USP24: variants seen among roughly 807,000 people sequenced by gnomAD.
The protein encoded by USP24 is ubiquitin specific peptidase 24.
Under a neutral mutation model 361.6 loss-of-function variants are expected in USP24, and 97 were observed. The ratio of observed to expected loss-of-function variants is 0.27; its 90% confidence interval spans 0.23 to 0.32. The LOEUF is 0.32. Among genes scored for constraint, USP24 ranks in the 10% least tolerant of loss-of-function variants. The pLI is 1.00. For missense variants in USP24, 2,353 were observed against 3,165.6 expected, an observed-to-expected ratio of 0.74 and a Z score of 6.16; for synonymous variants, 1,098 against 1,124.6, an observed-to-expected ratio of 0.98 and a Z score of 0.47.
At chr1:55,184,544 A>C (rs1422024194) in intron 1 of USP24, among the ~76,000 whole-genome samples, 1 of 152,218 alleles carries the variant, frequency 6.6e-6, no homozygotes, top group East Asian at 1.9e-4. Context: ...AAGATCAACA[A>C]GAAAATAGAA....
intron 44 of USP24, among the ~76,000 whole-genome samples, chr1:55,100,524 T>C (rs963510181): frequency 6.6e-6 from 1 of 152,080 alleles, no homozygotes; most frequent in Non-Finnish European, 1.5e-5. Flanking sequence ...GTTCTTTATT[T>C]AAAGACATTA....
chr1:55,072,024 C>A, intron 66 of USP24, 100 bp from the exon 67 acceptor site: 1 of 1,089,020 alleles, frequency 9.2e-7, no homozygotes, highest in Non-Finnish European at 1.4e-6. Flanking sequence ...TCAGTGGGAC[C>A]GGAGGCCTGA....
chr1:55,188,648 A>T (rs976416145), intron 1 of USP24, among the ~76,000 whole-genome samples: 3 of 151,950 alleles, frequency 2.0e-5, no homozygotes, highest in African/African-American at 7.2e-5. Context: ...ACCTACTAGG[A>T]TGGCCAAAAT....
chr1:55,154,703 G>T lies in USP24; in HGVS notation c.1522C>A (p.Gln508Lys), dbSNP rs1647442257. Reference sequence around the variant, plus strand: ...ATGAGAACAAACAAATGATTAAGCTGATCTGAATTAAATTTCACAGCCGCT... The same window carrying T: ...ATGAGAACAAACAAATGATTAAGCTTATCTGAATTAAATTTCACAGCCGCT... ...AAAAVKFNSD[Q>K]LNHLFVLIQK... The change falls in exon 13 of 68, where the codon CAG becomes AAG. Residue 508 changes from glutamine to lysine, a missense_variant. Physicochemically the swap from Gln to Lys is moderately conservative, Grantham distance 53 (BLOSUM62 1). Around this residue, in one of 8 missense-constraint regions of USP24, gnomAD observed 386 missense variants for 560.5 expected, o/e 0.69. Transcript: ENST00000294383. The T allele has an allele frequency of 1.9e-6, 3 of 1,613,244 alleles. No homozygotes were observed. The highest frequency in any genetic ancestry group is 2.5e-6 in the Non-Finnish European group (3 of 1,179,558).
intron 22 of USP24, 87 bp from the exon 23 acceptor site, chr1:55,142,882 A>T (rs776331875): frequency 4.8e-5 from 68 of 1,423,272 alleles, no homozygotes; most frequent in Non-Finnish European, 6.1e-5. Context: ...AAAGAAGCCA[A>T]TTTTTGGTCA....
rs955698419 is a variant in USP24, at chr1:55,071,799, T to C, written c.7800+15A>G. ...AGGCTGCCCTTTGCACACAAGGACA[T>C]GCTGACCGTTATACCTGCTGTAGAT... On this transcript the variant is annotated intron_variant, in intron 67 of 67. Transcript: ENST00000294383. 6.2e-7 allele frequency: 1 copy of C among 1,605,628 alleles called. No homozygotes were observed. Among genetic ancestry groups the C allele is most frequent in the Non-Finnish European group, 8.5e-7 (1 of 1,175,250 alleles).
chr1:55,136,203 G>A (rs968640752), intron 28 of USP24, among the ~76,000 whole-genome samples: 1 of 152,190 alleles, frequency 6.6e-6, no homozygotes, highest in Non-Finnish European at 1.5e-5. Context: ...GCTGAAGAAA[G>A]TGAGAGTGAG....
chr1:55,133,998 T>C (rs1646665867), intron 30 of USP24, 72 bp downstream of exon 30: 1 of 1,298,516 alleles, frequency 7.7e-7, no homozygotes, highest in Non-Finnish European at 1.1e-6. Context: ...GACCTTGATG[T>C]GATTTCAGGT....
At chr1:55,120,221 G>A (rs1225319530) in intron 38 of USP24, among the ~76,000 whole-genome samples, 1 of 152,148 alleles carries the variant, frequency 6.6e-6, no homozygotes, top group Admixed American at 6.5e-5. Flanking sequence ...GGATACCTTG[G>A]CTACCTCTAG....
rs1185490751 is a variant in USP24, at chr1:55,214,908, C to T, written c.206G>A (p.Gly69Asp). 5.4e-6 allele frequency: 7 copies of T among 1,288,336 alleles called. No individual in the cohort carries two copies. Among genetic ancestry groups the T allele is most frequent in the Admixed American group, 3.4e-5 (1 of 29,664 alleles). 79.8% of individuals were successfully genotyped at this position (1,288,336 alleles called of 1,614,324 possible). Residue 69 changes from glycine (G) to aspartate (D), a missense_variant, in exon 1 of 68, where the codon GGC (glycine) becomes GAC (aspartate). Transcript: ENST00000294383. ...GGGPSPGPGG[G>D]PRGDGGGDGG... Reference sequence around the variant, plus strand: ...GTCACCTCCGCCGTCGCCCCGCGGGCCCCCGCCGGGCCCGGGGCTGGGGCC... The same window carrying T: ...GTCACCTCCGCCGTCGCCCCGCGGGTCCCCGCCGGGCCCGGGGCTGGGGCC...
chr1:55,170,859 TATTAA>T (rs1649375350), intron 5 of USP24, among the ~76,000 whole-genome samples: 2 of 152,376 alleles, frequency 1.3e-5, no homozygotes, highest in African/African-American at 2.4e-5. Flanking sequence ...TTACTGTTTA[TATTAA>T]AAGACAGGAC....
At chr1:55,125,925 A>G (rs185732222) in intron 32 of USP24, among the ~76,000 whole-genome samples, 167 bp from the exon 33 acceptor site, 2 of 152,318 alleles carry the variant, frequency 1.3e-5, no homozygotes, top group Non-Finnish European at 2.9e-5. Context: ...TATGATACCT[A>G]TAAGCTTCCT....
Position 55,092,059 on chromosome 1 carries a change from A to G in USP24, c.6518T>C (p.Leu2173Pro). ...KVSLQLAIQFLFQTYLRTKKK... is the reference protein window; with the variant it reads ...KVSLQLAIQFPFQTYLRTKKK... Reference sequence around the variant, plus strand: ...CTTTGTCCGTAGATAAGTTTGAAAAAGGAATTGAATAGCAAGCTGTAAGCT... The same window carrying G: ...CTTTGTCCGTAGATAAGTTTGAAAAGGGAATTGAATAGCAAGCTGTAAGCT... Residue 2173 changes from leucine (L) to proline (P), a missense_variant, in exon 54 of 68, where the codon CTT (leucine) becomes CCT (proline). Physicochemically the swap from Leu to Pro is moderately conservative, Grantham distance 98. Around this residue, in one of 8 missense-constraint regions of USP24, gnomAD observed 598 missense variants for 761.9 expected, o/e 0.78. Transcript: ENST00000294383. 6.2e-7 allele frequency: 1 copy of G among 1,612,204 alleles called. No individual in the cohort carries two copies. Among genetic ancestry groups the G allele is most frequent in the Non-Finnish European group, 8.5e-7 (1 of 1,179,042 alleles).
intron 39 of USP24, among the ~76,000 whole-genome samples, chr1:55,108,574 A>G (rs927815196): frequency 2.3e-4 from 35 of 152,246 alleles, no homozygotes; most frequent in Middle Eastern, 3.4e-3. Context: ...TACGGAATAC[A>G]CTCCAGAATT....
chr1:55,148,458 C>T lies in USP24; in HGVS notation c.1968+5G>A. ...TATAATAATAAAAAATAGCTATACCCTTACCTTGTCTTGCTTTTGATAGGT... is the reference window on the plus strand; with the variant it reads ...TATAATAATAAAAAATAGCTATACCTTTACCTTGTCTTGCTTTTGATAGGT... On this transcript the variant is annotated splice_donor_5th_base_variant and intron_variant, in intron 17 of 67. Coordinates refer to ENST00000294383, the MANE Select transcript of USP24 (RefSeq NM_015306.3). 1.3e-6 allele frequency: 2 copies of T among 1,557,814 alleles called. No individual in the cohort carries two copies. Among genetic ancestry groups the T allele is most frequent in the Non-Finnish European group, 1.7e-6 (2 of 1,149,028 alleles).
rs1374341051 is a variant in USP24 at position 55,068,221 on chromosome 1, A to G, written c.*824T>C. ...CTGTGAAGTTAAACTCAGTAAAATT[A>G]TATCTTAAAGTGCTTTTATTTTGCT... On this transcript the variant is annotated 3_prime_UTR_variant, in exon 68 of 68. Transcript: ENST00000294383. 3 of 152,248 alleles carry G rather than the reference A, an allele frequency of 2.0e-5. No individual in the cohort carries two copies. Among genetic ancestry groups the G allele is most frequent in the African/African-American group, 4.8e-5 (2 of 41,472 alleles). 9.4% of individuals were successfully genotyped at this position (152,248 alleles called of 1,614,324 possible). A position where few individuals can be genotyped will look rare whatever the true frequency, so the allele number is the denominator to read the frequency against.
Position 55,093,755 on chromosome 1 carries a change from C to T in USP24, c.6354+182G>A. The T allele has an allele frequency of 8.0e-6, 6 of 750,414 alleles. No homozygotes were observed. The South Asian group carries it at 1.1e-4, about 14-fold the overall frequency. 46.5% of individuals were successfully genotyped at this position (750,414 alleles called of 1,614,324 possible). On this transcript the variant is annotated intron_variant, in intron 52 of 67. Transcript: ENST00000294383. ...TGTATTCATACTTGTGTTCTTAGCA[C>T]TCCATGGCTCTAGCTCTATGGCCCC...
In USP24 at chr1:55,097,994, T is replaced by C. The variant is rs1444691935; in HGVS notation, c.5544A>G (p.Gly1848=). The change falls in exon 47 of 68, where the codon GGA becomes GGG. Residue 1848 remains glycine, a synonymous_variant. Coordinates refer to ENST00000294383, the MANE Select transcript of USP24 (RefSeq NM_015306.3). The part of the protein sequence containing the change: ...LEISLDQFVR[G]EVLEGSNAYY... ...ACGCATTACTTCCTTCTAGAACTTC[T>C]CCTCTAACAAATTGGTCCAAAGAAA... The C allele has an allele frequency of 6.2e-7, 1 of 1,613,616 alleles. No individual in the cohort carries two copies. Among genetic ancestry groups the C allele is most frequent in the South Asian group, 1.1e-5 (1 of 91,012 alleles).
chr1:55,174,882 T>A (rs1391417945), intron 3 of USP24, among the ~76,000 whole-genome samples: 1 of 152,220 alleles, frequency 6.6e-6, no homozygotes, highest in Non-Finnish European at 1.5e-5. Flanking sequence ...CTCCCGCTTT[T>A]GGCCTCACAA....
Sources: gnomAD v4.1 joint callset for allele counts (sites outside exome capture counted in the v4.1 genomes callset) on GRCh38, gnomAD v4.1.1 for gene constraint, gnomAD v4.1.1 regional missense constraint, MANE v1.5 for transcripts, NCBI Gene and HGNC (gene_info 2026-07-23, HGNC 2026-07-21) for gene names.